ADGRL2: variants seen among roughly 807,000 people sequenced by gnomAD.
The protein encoded by ADGRL2 is adhesion G protein-coupled receptor L2, also known as calcium-independent alpha-latrotoxin receptor 2.
A neutral mutation model predicts 157.4 loss-of-function variants in ADGRL2; 44 were observed. That is an observed-to-expected ratio of 0.28 (90% CI 0.22 to 0.36). ADGRL2 has a LOEUF of 0.36. ADGRL2 is among the 10% of genes least tolerant of loss of function. The probability of loss-of-function intolerance (pLI) is 1.00; values close to 1 mark genes in which losing one functional copy is unlikely to be tolerated. For missense variants in ADGRL2, 1,510 were observed against 1,768.9 expected, an observed-to-expected ratio of 0.85 and a Z score of 2.63; for synonymous variants, 585 against 624.7, an observed-to-expected ratio of 0.94 and a Z score of 0.95.
At chr1:81,311,194 A>T (rs1467198075) in intron 1 of ADGRL2, among the ~76,000 whole-genome samples, 3 of 152,196 alleles carry the variant, frequency 2.0e-5, no homozygotes, top group Non-Finnish European at 4.4e-5. Flanking sequence ...ACATTTTGGT[A>T]AGCAAAACTT....
At chr1:81,683,964 A>G (rs12091884) in intron 3 of ADGRL2, among the ~76,000 whole-genome samples, 114,080 of 151,658 alleles carry the variant, frequency 0.75, 43,359 homozygotes, top group Middle Eastern at 0.8. Flanking sequence ...TTACAGGCGC[A>G]CGCCACCATG....
chr1:81,604,827 A>G (rs536648602), intron 3 of ADGRL2, among the ~76,000 whole-genome samples: 10 of 152,222 alleles, frequency 6.6e-5, no homozygotes, highest in African/African-American at 2.4e-4. Flanking sequence ...CAGAGAGGGG[A>G]AAGAGAGGAT....
At chr1:81,894,010 A>G (rs1050013321) in intron 2 of ADGRL2, among the ~76,000 whole-genome samples, 2 of 152,166 alleles carry the variant, frequency 1.3e-5, no homozygotes, top group African/African-American at 4.8e-5. Context: ...GAATTTTGGG[A>G]ATTGGTTTCT....
chr1:81,653,881 G>A (rs1373938532), intron 3 of ADGRL2, among the ~76,000 whole-genome samples: 1 of 152,014 alleles, frequency 6.6e-6, no homozygotes, highest in East Asian at 1.9e-4. Flanking sequence ...AACTCTACCT[G>A]TAAAAAAAAT....
chr1:81,320,363 T>C (rs548596881), intron 1 of ADGRL2, among the ~76,000 whole-genome samples: 76 of 152,354 alleles, frequency 5.0e-4, no homozygotes, highest in African/African-American at 1.8e-3. Context: ...TGACTTCTCC[T>C]GTGAATCATG....
At chr1:81,415,646 TC>T (rs960323574) in intron 1 of ADGRL2, among the ~76,000 whole-genome samples, 11 of 152,146 alleles carry the variant, frequency 7.2e-5, no homozygotes, top group African/African-American at 2.4e-4. Flanking sequence ...TTACAAATAC[TC>T]CCTGCGAGTA....
intron 1 of ADGRL2, among the ~76,000 whole-genome samples, chr1:81,712,417 A>T (rs910469270): frequency 3.3e-5 from 5 of 152,228 alleles, no homozygotes; most frequent in African/African-American, 4.8e-5. Context: ...AAAAAAGGTG[A>T]AATTATTGAC....
intron 1 of ADGRL2, among the ~76,000 whole-genome samples, chr1:81,812,781 C>A (rs1331494087): frequency 6.6e-6 from 1 of 151,816 alleles, no homozygotes; most frequent in Non-Finnish European, 1.5e-5. Flanking sequence ...GGCTTAATGA[C>A]TTTTACTTGC....
chr1:81,669,892 G>T (rs1440868213), intron 3 of ADGRL2, among the ~76,000 whole-genome samples: 1 of 143,668 alleles, frequency 7.0e-6, no homozygotes, highest in Admixed American at 7.3e-5. Flanking sequence ...GCAGTGAGTC[G>T]AGATCAAGCC....
At chr1:81,594,926 C>T (rs1001003340) in intron 3 of ADGRL2, among the ~76,000 whole-genome samples, 1 of 152,122 alleles carries the variant, frequency 6.6e-6, no homozygotes, top group Non-Finnish European at 1.5e-5. Flanking sequence ...AAGCAGCAAA[C>T]ACATTTAATA....
At chr1:81,973,366 A>C (rs1359263219) in intron 17 of ADGRL2, among the ~76,000 whole-genome samples, 1 of 152,188 alleles carries the variant, frequency 6.6e-6, no homozygotes, top group African/African-American at 2.4e-5. Context: ...AATGGCTGAC[A>C]TGAAGAGGCA....
Position 81,937,365 on chromosome 1 carries a change from GATATA to G in ADGRL2, c.397+535_397+539del, listed in dbSNP as rs570146229. On this transcript the variant is annotated intron_variant, in intron 4 of 23. Transcript: ENST00000686636. ...TGAAACCTTAATGCTAAATAAAATA[GATATA>G]ATATAACCTTGCACATGGTTCTGTT... is the stretch of plus-strand genomic sequence containing the variant. Among the ~76,000 whole-genome samples, 904 of 151,868 alleles carry G rather than the reference GATATA, an allele frequency of 6.0e-3. 7 individuals carry two copies. The highest frequency in any genetic ancestry group is 0.021 in the African/African-American group (865 of 41,492).
intron 2 of ADGRL2, among the ~76,000 whole-genome samples, chr1:81,534,461 C>T (rs1315712403): frequency 6.6e-6 from 1 of 152,242 alleles, no homozygotes; most frequent in African/African-American, 2.4e-5. Context: ...CGCACCAGGC[C>T]TGATTACAAG....
intron 2 of ADGRL2, chr1:81,557,961 G>A (rs145036715): frequency 1.3e-5 from 2 of 152,326 alleles, no homozygotes; most frequent in African/African-American, 4.8e-5. Context: ...CTGTTCTGGC[G>A]AGCACCTTGT....
intron 3 of ADGRL2, among the ~76,000 whole-genome samples, chr1:81,611,228 T>A (rs1323137481): frequency 2.0e-5 from 3 of 152,144 alleles, no homozygotes; most frequent in African/African-American, 7.2e-5. Flanking sequence ...ACAGGCCACA[T>A]GACAATTATT....
At chr1:81,471,385 T>A (rs2078168820) in intron 2 of ADGRL2, among the ~76,000 whole-genome samples, 1 of 152,182 alleles carries the variant, frequency 6.6e-6, no homozygotes, top group Non-Finnish European at 1.5e-5. Context: ...GGAAAACATA[T>A]TAAGCTACCC....
chr1:81,847,628 A>G (rs11163388), intron 2 of ADGRL2, among the ~76,000 whole-genome samples: 46,433 of 151,690 alleles, frequency 0.31, 7,557 homozygotes, highest in Middle Eastern at 0.51. Context: ...TATGCCTTCT[A>G]TTGACCTTTT....
At chr1:81,930,115 T>C (rs1455021957) in intron 3 of ADGRL2, among the ~76,000 whole-genome samples, 2 of 152,156 alleles carry the variant, frequency 1.3e-5, no homozygotes, top group Admixed American at 6.6e-5. Flanking sequence ...AGATAAACAG[T>C]ATGCTATATT....
At chr1:81,819,834 A>G (rs1373938687) in intron 1 of ADGRL2, among the ~76,000 whole-genome samples, 2 of 152,174 alleles carry the variant, frequency 1.3e-5, no homozygotes, top group Admixed American at 6.6e-5. Flanking sequence ...GTAATTTGAT[A>G]TTCTTTGGTT....
Sources: allele counts gnomAD v4.1 joint callset (sites outside exome capture counted in the v4.1 genomes callset), GRCh38; gene constraint gnomAD v4.1.1; transcripts MANE v1.5; gene names NCBI Gene and HGNC (gene_info 2026-07-23, HGNC 2026-07-21).